The following PRKN variants were observed in gnomAD, a reference collection of about 807,000 sequenced individuals.
PRKN encodes the protein E3 ubiquitin-protein ligase parkin.
In PRKN, 56 loss-of-function variants were observed where a neutral mutation model predicts 59.5. That is an observed-to-expected ratio of 0.94 (90% CI 0.76 to 1.18). The LOEUF (loss-of-function observed/expected upper bound fraction) is 1.18. Among genes scored for constraint, PRKN ranks in the 50% most tolerant of loss-of-function variants. The probability of loss-of-function intolerance (pLI) is 0.00; values close to 1 mark genes in which losing one functional copy is unlikely to be tolerated. For synonymous variants in PRKN, 250 were observed against 222.1 expected (o/e 1.13, Z -1.12); for missense variants, 657 against 596.4 (o/e 1.10, Z -1.06).
intron 5 of PRKN, among the ~76,000 whole-genome samples, chr6:161,978,031 G>GTATTTTATTTTATTTTATTT (rs530789978): frequency 1.6e-5 from 2 of 128,470 alleles, no homozygotes; most frequent in African/African-American, 6.1e-5. Context: ...TTATTTTATT[G>GTATTTTATTTTATTTTATTT]TATTTTATTT....
At chr6:161,604,084 T>C (rs1361594845) in intron 7 of PRKN, among the ~76,000 whole-genome samples, 2 of 152,200 alleles carry the variant, frequency 1.3e-5, no homozygotes, top group Non-Finnish European at 2.9e-5. Flanking sequence ...AATTCTGTTG[T>C]TTATAAGCCA....
Position 161,576,080 on chromosome 6 carries a change from A to C in PRKN, c.872-6664T>G, listed in dbSNP as rs1476651989. On this transcript the variant is annotated intron_variant, in intron 7 of 11. Coordinates refer to ENST00000366898, the MANE Select transcript of PRKN (RefSeq NM_004562.3). The surrounding 1 kb of genome is among the most constrained non-coding windows in gnomAD (Gnocchi z 4.6). Reference sequence around the variant, plus strand: ...GGGTTGCCATACACTGTGCTGAAGTAGCCATTTCTGAATTAGTCTGAGAGC... The same window carrying C: ...GGGTTGCCATACACTGTGCTGAAGTCGCCATTTCTGAATTAGTCTGAGAGC... Among the ~76,000 whole-genome samples, 1 of 152,202 alleles carries C rather than the reference A, an allele frequency of 6.6e-6. No individual in the cohort carries two copies. Among genetic ancestry groups the C allele is most frequent in the Admixed American group, 6.5e-5 (1 of 15,282 alleles).
chr6:161,777,644 T>C (rs1789982083), intron 7 of PRKN, among the ~76,000 whole-genome samples: 1 of 141,838 alleles, frequency 7.1e-6, no homozygotes, highest in Non-Finnish European at 1.5e-5. Flanking sequence ...CTACGGATAT[T>C]CTCATATATA....
rs1784778758 is a variant in PRKN, at chr6:161,356,863, TG to T, written c.1285+3224del. Among the ~76,000 whole-genome samples, 1 of 151,606 alleles carries T rather than the reference TG, an allele frequency of 6.6e-6. No homozygotes were observed. The highest frequency in any genetic ancestry group is 1.5e-5 in the Non-Finnish European group (1 of 67,940). ...GTCGGACCGAGGGGCGAGATGAGGG[TG>T]GGGTGTAGATTTGGGAGCCATCAGT... On this transcript the variant is annotated intron_variant, in intron 11 of 11. Coordinates refer to ENST00000366898, the MANE Select transcript of PRKN (RefSeq NM_004562.3). This position sits in a 1 kb window ranked among gnomAD's most constrained non-coding sequence, Gnocchi z 7.8.
chr6:161,750,714 C>T (rs1371281491), intron 7 of PRKN, among the ~76,000 whole-genome samples: 1 of 151,174 alleles, frequency 6.6e-6, no homozygotes, highest in Non-Finnish European at 1.5e-5. Flanking sequence ...TTGCAGTGAG[C>T]CGAGATCACA....
In PRKN at chr6:161,377,601, A is replaced by T. The variant is rs1785777670; in HGVS notation, c.1167+9193T>A. ...TGGGCAACGCAACTGCTATGGTCCGAGTGTTTGTGTCTCCCCAGATTCCTA... is the reference window on the plus strand; with the variant it reads ...TGGGCAACGCAACTGCTATGGTCCGTGTGTTTGTGTCTCCCCAGATTCCTA... On this transcript the variant is annotated intron_variant, in intron 10 of 11. Transcript: ENST00000366898. This position sits in a 1 kb window ranked among gnomAD's most constrained non-coding sequence, Gnocchi z 4.2. Among the ~76,000 whole-genome samples the T allele has an allele frequency of 6.6e-6, 1 of 152,136 alleles. No homozygotes were observed. The highest frequency in any genetic ancestry group is 2.4e-5 in the African/African-American group (1 of 41,426).
At chr6:161,672,746 A>G (rs1044426610) in intron 7 of PRKN, among the ~76,000 whole-genome samples, 17 of 152,210 alleles carry the variant, frequency 1.1e-4, no homozygotes, top group African/African-American at 4.1e-4. Context: ...ACTGCACTCC[A>G]GCCTGGGTGA....
intron 4 of PRKN, among the ~76,000 whole-genome samples, chr6:162,058,353 C>T (rs1171048348): frequency 6.6e-6 from 1 of 152,150 alleles, no homozygotes; most frequent in African/African-American, 2.4e-5. Flanking sequence ...TGTAACCTGA[C>T]TGACAGCTCT....
chr6:162,666,486 G>A (rs373212808), intron 1 of PRKN, among the ~76,000 whole-genome samples: 16 of 152,182 alleles, frequency 1.1e-4, no homozygotes, highest in East Asian at 5.8e-4. Context: ...TCCACAGAGC[G>A]CTAAGATATT....
At chr6:162,721,199 G>A (rs1778929788) in intron 1 of PRKN, among the ~76,000 whole-genome samples, 1 of 152,162 alleles carries the variant, frequency 6.6e-6, no homozygotes, top group Non-Finnish European at 1.5e-5. Flanking sequence ...TATGGAGTGA[G>A]TTTATAAACG....
chr6:162,282,719 G>T (rs540367198), intron 2 of PRKN, among the ~76,000 whole-genome samples: 1 of 152,300 alleles, frequency 6.6e-6, no homozygotes, highest in African/African-American at 2.4e-5. Flanking sequence ...TCAGCAAGTT[G>T]CAGAATAGCA....
intron 3 of PRKN, among the ~76,000 whole-genome samples, chr6:162,235,831 A>T (rs571552677): frequency 6.7e-6 from 1 of 149,476 alleles, no homozygotes; most frequent in Non-Finnish European, 1.5e-5. Context: ...AGAGAGAGAG[A>T]GGGAGGGAGG....
Position 161,383,445 on chromosome 6 carries a change from G to A in PRKN, c.1167+3349C>T, listed in dbSNP as rs191984235. On this transcript the variant is annotated intron_variant, in intron 10 of 11. Transcript: ENST00000366898. ...TCTGGAAGGCTGGCTCCCATGGGCT[G>A]TGCCCCTAGGATCCCTTGTGTCTGG... Among the ~76,000 whole-genome samples the A allele has an allele frequency of 2.7e-3, 411 of 152,314 alleles. 1 individual carries two copies. The highest frequency in any genetic ancestry group is 5.8e-3 in the Admixed American group (89 of 15,298).
At chr6:162,112,417 TA>T (rs1363936444) in intron 4 of PRKN, among the ~76,000 whole-genome samples, 1 of 152,178 alleles carries the variant, frequency 6.6e-6, no homozygotes, top group Non-Finnish European at 1.5e-5. Flanking sequence ...AGATTCTTAT[TA>T]AAATACCACA....
At chr6:161,680,851 A>C (rs1455197612) in intron 7 of PRKN, among the ~76,000 whole-genome samples, 2 of 149,370 alleles carry the variant, frequency 1.3e-5, no homozygotes, top group Non-Finnish European at 3.0e-5. Flanking sequence ...GTATAAAACT[A>C]AATCAAAGAC....
At chr6:162,134,073 T>A (rs989456909) in intron 4 of PRKN, among the ~76,000 whole-genome samples, 2 of 152,154 alleles carry the variant, frequency 1.3e-5, no homozygotes, top group South Asian at 4.1e-4. Context: ...GTATACGTCC[T>A]CTTATTAAAT....
chr6:162,396,181 G>T (rs1432452842), intron 2 of PRKN, among the ~76,000 whole-genome samples: 1 of 152,168 alleles, frequency 6.6e-6, no homozygotes, highest in Non-Finnish European at 1.5e-5. Flanking sequence ...CATTTTGTTT[G>T]TATATGTACT....
At chr6:162,699,161 C>A (rs62429129) in intron 1 of PRKN, among the ~76,000 whole-genome samples, 5 of 152,102 alleles carry the variant, frequency 3.3e-5, no homozygotes, top group Admixed American at 6.5e-5. Flanking sequence ...AGTAATTAAG[C>A]AGATACATAT....
At chr6:162,249,773 T>C (rs535550239) in intron 3 of PRKN, among the ~76,000 whole-genome samples, 2 of 152,264 alleles carry the variant, frequency 1.3e-5, no homozygotes, top group East Asian at 1.9e-4. Flanking sequence ...ATTGGAACTA[T>C]GTAAAAAATA....
Sources: allele counts gnomAD v4.1 joint callset (sites outside exome capture counted in the v4.1 genomes callset), GRCh38; gene constraint gnomAD v4.1.1; non-coding constraint Gnocchi (gnomAD v3.1); transcripts MANE v1.5; gene names NCBI Gene and HGNC (gene_info 2026-07-23, HGNC 2026-07-21).